Variants in LRRTM4 observed in about 807,000 individuals in gnomAD.
The protein encoded by LRRTM4 is leucine rich repeat transmembrane neuronal 4.
Under a neutral mutation model 47.6 loss-of-function variants are expected in LRRTM4, and 25 were observed. The observed-to-expected ratio is 0.53, with a 90% CI of 0.38 to 0.73. The LOEUF is 0.73. Among genes scored for constraint, LRRTM4 ranks in the 30% least tolerant of loss-of-function variants. The probability of loss-of-function intolerance (pLI) is 0.00; values close to 1 mark genes in which losing one functional copy is unlikely to be tolerated. For missense variants in LRRTM4, 638 were observed against 713.4 expected (o/e 0.89, Z 1.20); for synonymous variants, 311 against 269.5 (o/e 1.15, Z -1.51).
At chr2:76,815,553 A>AAGTT (rs1417261617) in intron 3 of LRRTM4, among the ~76,000 whole-genome samples, 6 of 152,128 alleles carry the variant, frequency 3.9e-5, no homozygotes, top group Non-Finnish European at 8.8e-5. Context: ...GTGCTATGCA[A>AAGTT]AGTTAGTAAT....
intron 3 of LRRTM4, among the ~76,000 whole-genome samples, chr2:77,385,583 A>G (rs925693984): frequency 6.6e-6 from 1 of 152,124 alleles, no homozygotes; most frequent in Non-Finnish European, 1.5e-5. Flanking sequence ...ATAATTTCTG[A>G]TATCCTTAAA....
chr2:77,219,067 G>C (rs564103655), intron 3 of LRRTM4, among the ~76,000 whole-genome samples: 2 of 152,108 alleles, frequency 1.3e-5, no homozygotes, highest in Non-Finnish European at 2.9e-5. Context: ...ATTCTTTCTT[G>C]ATAAATAAAT....
chr2:77,233,869 C>T (rs930143935), intron 3 of LRRTM4, among the ~76,000 whole-genome samples: 5 of 152,160 alleles, frequency 3.3e-5, no homozygotes, highest in African/African-American at 9.7e-5. Flanking sequence ...TCACTGCAAC[C>T]TCCGCGTCCA....
chr2:76,794,716 T>C (rs1675173148), intron 3 of LRRTM4, among the ~76,000 whole-genome samples: 1 of 152,122 alleles, frequency 6.6e-6, no homozygotes, highest in Non-Finnish European at 1.5e-5. Context: ...CATTTTTCAC[T>C]GGCTAATTCT....
chr2:76,909,905 C>A (rs564339476), intron 3 of LRRTM4, among the ~76,000 whole-genome samples: 35 of 152,254 alleles, frequency 2.3e-4, no homozygotes, highest in African/African-American at 7.2e-4. Flanking sequence ...GTGGGACTGT[C>A]AACTAGTTCA....
At chr2:77,423,550 C>A (rs368414230) in intron 3 of LRRTM4, among the ~76,000 whole-genome samples, 12 of 152,194 alleles carry the variant, frequency 7.9e-5, no homozygotes, top group African/African-American at 2.9e-4. Flanking sequence ...GTAACAAGTC[C>A]CTTCTATCCC....
At chr2:77,047,289 TCAG>T (rs1679266021) in intron 3 of LRRTM4, among the ~76,000 whole-genome samples, 1 of 152,078 alleles carries the variant, frequency 6.6e-6, no homozygotes, top group Non-Finnish European at 1.5e-5. Context: ...CAGGTGTTCC[TCAG>T]CAGAATCCTT....
chr2:77,376,004 T>C (rs1293582466), intron 3 of LRRTM4, among the ~76,000 whole-genome samples: 2 of 151,844 alleles, frequency 1.3e-5, no homozygotes, highest in Non-Finnish European at 2.9e-5. Context: ...AATCATGCAG[T>C]ACTTGTTCCT....
At chr2:76,959,361 A>G (rs563895583) in intron 3 of LRRTM4, among the ~76,000 whole-genome samples, 8 of 151,722 alleles carry the variant, frequency 5.3e-5, no homozygotes, top group African/African-American at 1.9e-4. Flanking sequence ...TCACATAAAC[A>G]TAGAAAAATA....
chr2:77,379,357 A>G (rs1672962316), intron 3 of LRRTM4, among the ~76,000 whole-genome samples: 1 of 152,048 alleles, frequency 6.6e-6, no homozygotes, highest in African/African-American at 2.4e-5. Flanking sequence ...GTTTAGGTGC[A>G]TTTTATGATA....
intron 3 of LRRTM4, among the ~76,000 whole-genome samples, chr2:77,436,775 T>C (rs1355683313): frequency 6.6e-6 from 1 of 151,952 alleles, no homozygotes; most frequent in East Asian, 1.9e-4. Flanking sequence ...ATATTTTCTG[T>C]ATGTAGTATA....
intron 3 of LRRTM4, among the ~76,000 whole-genome samples, chr2:76,802,797 C>A (rs1375492360): frequency 5.3e-5 from 8 of 152,070 alleles, no homozygotes; most frequent in Non-Finnish European, 1.2e-4. Context: ...AATACATCCA[C>A]ATATTTACAG....
intron 3 of LRRTM4, among the ~76,000 whole-genome samples, chr2:77,458,396 T>C (rs1166114951): frequency 6.6e-6 from 1 of 152,048 alleles, no homozygotes; most frequent in Non-Finnish European, 1.5e-5. Flanking sequence ...AGTGGCACTC[T>C]TTAGAGCTGG....
chr2:77,138,271 T>A (rs7599950), intron 3 of LRRTM4, among the ~76,000 whole-genome samples: 50,869 of 151,908 alleles, frequency 0.33, 9,116 homozygotes, highest in East Asian at 0.47. Context: ...TAACAAACTG[T>A]CTCTCAGACC....
At chr2:77,219,125 G>T (rs1674545529) in intron 3 of LRRTM4, among the ~76,000 whole-genome samples, 1 of 152,108 alleles carries the variant, frequency 6.6e-6, no homozygotes, top group Admixed American at 6.6e-5. Context: ...CATAAAAGAG[G>T]CAAGAACAAT....
chr2:77,290,225 G>A (rs965733668), intron 3 of LRRTM4, among the ~76,000 whole-genome samples: 1 of 151,970 alleles, frequency 6.6e-6, no homozygotes, highest in Non-Finnish European at 1.5e-5. Context: ...ATTCAAGACA[G>A]ATTAAATATG....
At chr2:77,493,899 C>T (rs1573491003) in intron 3 of LRRTM4, among the ~76,000 whole-genome samples, 1 of 152,198 alleles carries the variant, frequency 6.6e-6, no homozygotes, top group East Asian at 1.9e-4. Context: ...TCTTTACAGA[C>T]ATTGACACAA....
Position 77,264,671 on chromosome 2 carries a change from A to C in LRRTM4, c.1551+253647T>G, listed in dbSNP as rs562504711. ...TTATTGAGATTATTTGTCTTTGGAAAAGCAATAATATTTACCTTTCAAATG... is the reference window on the plus strand; with the variant it reads ...TTATTGAGATTATTTGTCTTTGGAACAGCAATAATATTTACCTTTCAAATG... On this transcript the variant is annotated intron_variant, in intron 3 of 3. Coordinates refer to ENST00000409884, the MANE Select transcript of LRRTM4 (RefSeq NM_001134745.3). Among the ~76,000 whole-genome samples, 3 of 152,260 alleles carry C rather than the reference A, an allele frequency of 2.0e-5. No homozygotes were observed. The East Asian group carries it at 5.8e-4, about 29-fold the overall frequency.
At chr2:77,322,876 T>A (rs899940465) in intron 3 of LRRTM4, among the ~76,000 whole-genome samples, 2 of 151,158 alleles carry the variant, frequency 1.3e-5, no homozygotes, top group African/African-American at 2.4e-5. Flanking sequence ...TTATTGTATG[T>A]AACCAGTTTT....
Sources: allele counts gnomAD v4.1 joint callset (sites outside exome capture counted in the v4.1 genomes callset), GRCh38; gene constraint gnomAD v4.1.1; transcripts MANE v1.5; gene names NCBI Gene and HGNC (gene_info 2026-07-23, HGNC 2026-07-21).